The following AK9 variants were observed in gnomAD, a reference collection of about 807,000 sequenced individuals.
AK9 encodes adenylate kinase 9.
In AK9, 191 loss-of-function variants were observed where a neutral mutation model predicts 239.6. That is an observed-to-expected ratio of 0.80 (90% CI 0.71 to 0.90). AK9 has a LOEUF of 0.90. Ranked by LOEUF, AK9 falls within the 40% of genes least tolerant of loss-of-function variation. AK9 has a pLI of 0.00. For missense variants in AK9, 1,995 were observed against 2,214.7 expected, an observed-to-expected ratio of 0.90 and a Z score of 1.99; for synonymous variants, 689 against 721.0, an observed-to-expected ratio of 0.96 and a Z score of 0.71.
intron 17 of AK9, among the ~76,000 whole-genome samples, chr6:109,588,597 C>A (rs1789832313): frequency 6.6e-6 from 1 of 152,140 alleles, no homozygotes; most frequent in African/African-American, 2.4e-5. Flanking sequence ...TTAATTACGT[C>A]CTATTTGTCT....
In AK9 at chr6:109,610,663, T is replaced by G. The variant is rs1290064641; in HGVS notation, c.1694-150A>C. On this transcript the variant is annotated intron_variant, in intron 16 of 40. Transcript: ENST00000424296. ...TGTTGGAAGGAGGGAGAAATAAGACTCTGGAGAGGAAATGTTAGGTCAGGA... is the reference window on the plus strand; with the variant it reads ...TGTTGGAAGGAGGGAGAAATAAGACGCTGGAGAGGAAATGTTAGGTCAGGA... 3 of 862,298 alleles carry G rather than the reference T, an allele frequency of 3.5e-6. No individual in the cohort carries two copies. In the African/African-American group the frequency reaches 5.4e-5, roughly 16 times the overall value. The allele number at this position is 862,298 out of a possible 1,614,324, so 53.4% of individuals were successfully genotyped here.
At chr6:109,597,368 A>C (rs1791178238) in intron 17 of AK9, among the ~76,000 whole-genome samples, 1 of 152,080 alleles carries the variant, frequency 6.6e-6, no homozygotes, top group Admixed American at 6.6e-5. Flanking sequence ...AAACGTTAAA[A>C]ATTTTCTTTA....
intron 24 of AK9, 70 bp downstream of exon 24, chr6:109,563,527 G>A (rs1473070687): frequency 1.4e-5 from 21 of 1,520,170 alleles, no homozygotes; most frequent in Non-Finnish European, 1.7e-5. Context: ...AAAAGTGATA[G>A]TTACCACTCT....
rs182522557 is a variant in AK9, at chr6:109,519,058, G to A, written c.3634-2416C>T. On this transcript the variant is annotated intron_variant, in intron 29 of 40. Transcript: ENST00000424296. ...GCTCCTACTTATAAATGAGAATACA[G>A]GGTATTTGGTTTTCTGTTCCTGTGT... 3.9e-5 allele frequency among the ~76,000 whole-genome samples: 6 copies of A among 152,212 alleles called. No individual in the cohort carries two copies. The East Asian group carries it at 1.2e-3, about 29-fold the overall frequency.
At chr6:109,683,762 A>G (rs886815784) in intron 1 of AK9, among the ~76,000 whole-genome samples, 1 of 152,228 alleles carries the variant, frequency 6.6e-6, no homozygotes, top group Non-Finnish European at 1.5e-5. Context: ...ACACAAACAA[A>G]TGGAAAAACA....
intron 24 of AK9, 113 bp downstream of exon 24, chr6:109,563,484 G>T: frequency 7.0e-7 from 1 of 1,434,534 alleles, no homozygotes. Context: ...GAGAATGTGT[G>T]TGCAAATGAG....
intron 20 of AK9, among the ~76,000 whole-genome samples, chr6:109,576,490 T>C (rs909075042): frequency 1.3e-5 from 2 of 149,440 alleles, no homozygotes; most frequent in African/African-American, 4.9e-5. Flanking sequence ...GCTTGGTCAT[T>C]GTTGTTACAT....
intron 13 of AK9, among the ~76,000 whole-genome samples, chr6:109,615,202 C>G (rs1471056024): frequency 6.6e-6 from 1 of 152,028 alleles, no homozygotes; most frequent in Non-Finnish European, 1.5e-5. Context: ...TATCCCTACT[C>G]CAATCACTGT....
chr6:109,538,476 C>T (rs1426440053), intron 27 of AK9, among the ~76,000 whole-genome samples: 2 of 152,092 alleles, frequency 1.3e-5, no homozygotes, highest in African/African-American at 2.4e-5. Flanking sequence ...TCCTCCATCC[C>T]TTTATTTTGA....
chr6:109,601,055 GT>G (rs1215220270), intron 17 of AK9, among the ~76,000 whole-genome samples: 1 of 152,046 alleles, frequency 6.6e-6, no homozygotes, highest in Non-Finnish European at 1.5e-5. Flanking sequence ...TTTTTGAAGG[GT>G]TTTTTGTGTC....
chr6:109,649,333 C>A (rs990841535), intron 8 of AK9, among the ~76,000 whole-genome samples: 4 of 151,792 alleles, frequency 2.6e-5, no homozygotes, highest in Admixed American at 6.6e-5. Context: ...GATTGCATAT[C>A]TAGAAAACCC....
intron 26 of AK9, among the ~76,000 whole-genome samples, chr6:109,542,489 G>T (rs1055602883): frequency 6.6e-6 from 1 of 152,176 alleles, no homozygotes. Flanking sequence ...CCAACACATA[G>T]CAATGATAAG....
intron 17 of AK9, among the ~76,000 whole-genome samples, chr6:109,595,309 C>A (rs1047091740): frequency 6.6e-6 from 1 of 152,144 alleles, no homozygotes; most frequent in Non-Finnish European, 1.5e-5. Context: ...CAATAAGATA[C>A]CATCTCACGC....
intron 21 of AK9, among the ~76,000 whole-genome samples, chr6:109,569,978 C>A (rs1260162804): frequency 6.6e-6 from 1 of 152,222 alleles, no homozygotes; most frequent in Non-Finnish European, 1.5e-5. Flanking sequence ...GACACATGCA[C>A]ACGTATGTTT....
intron 35 of AK9, among the ~76,000 whole-genome samples, chr6:109,503,164 A>G (rs1262263705): frequency 1.3e-5 from 2 of 152,028 alleles, no homozygotes; most frequent in Non-Finnish European, 2.9e-5. Context: ...AATATGTAGT[A>G]CTATAGTACA....
At chr6:109,659,065 T>G (rs1176603033) in intron 7 of AK9, among the ~76,000 whole-genome samples, 163 bp downstream of exon 7, 3 of 152,146 alleles carry the variant, frequency 2.0e-5, no homozygotes, top group Non-Finnish European at 4.4e-5. Context: ...GATCTCATAA[T>G]CCTTGAAAAC....
chr6:109,608,421 T>C (rs1793182309), intron 17 of AK9, among the ~76,000 whole-genome samples: 1 of 151,892 alleles, frequency 6.6e-6, no homozygotes, highest in Non-Finnish European at 1.5e-5. Flanking sequence ...GGAGAAAGGA[T>C]GGCCTTTTCA....
intron 24 of AK9, among the ~76,000 whole-genome samples, chr6:109,563,372 T>A (rs537474512): frequency 6.6e-6 from 1 of 151,698 alleles, no homozygotes. Context: ...AAACTTAAAC[T>A]TTTTTTCCAT....
intron 20 of AK9, among the ~76,000 whole-genome samples, chr6:109,575,530 A>C (rs114816243): frequency 0.011 from 1,652 of 150,432 alleles, 28 homozygotes; most frequent in African/African-American, 0.038. Context: ...TGGGATTATT[A>C]TTTTTTTTTC....
Sources: gnomAD v4.1 joint callset for allele counts (sites outside exome capture counted in the v4.1 genomes callset) on GRCh38, gnomAD v4.1.1 for gene constraint, MANE v1.5 for transcripts, NCBI Gene and HGNC (gene_info 2026-07-23, HGNC 2026-07-21) for gene names.